Variants in DCAF7 observed in about 807,000 individuals in gnomAD.
DCAF7 encodes DDB1- and CUL4-associated factor 7.
DCAF7 carries 4 observed loss-of-function variants against 41.2 expected under a neutral mutation model. That is an observed-to-expected ratio of 0.10 (90% CI 0.05 to 0.22). The LOEUF is 0.22. Ranked by LOEUF, DCAF7 falls within the 10% of genes least tolerant of loss-of-function variation. The probability of loss-of-function intolerance (pLI) is 1.00; values close to 1 mark genes in which losing one functional copy is unlikely to be tolerated. For synonymous variants in DCAF7, 143 were observed against 164.2 expected, an observed-to-expected ratio of 0.87 and a Z score of 0.99; for missense variants, 131 against 443.2, an observed-to-expected ratio of 0.30 and a Z score of 6.32.
chr17:63,582,475 T>C (rs915074477), intron 4 of DCAF7, among the ~76,000 whole-genome samples: 2 of 152,068 alleles, frequency 1.3e-5, no homozygotes, highest in African/African-American at 4.8e-5. Context: ...CGTCCTCTTT[T>C]TTTTTTTTTC....
intron 1 of DCAF7, among the ~76,000 whole-genome samples, chr17:63,559,320 T>C (rs997312288): frequency 8.4e-4 from 73 of 87,150 alleles, no homozygotes; most frequent in African/African-American, 1.2e-3. Context: ...TATATATATA[T>C]GTATATATAT....
Position 63,579,744 on chromosome 17 carries a change from G to A in DCAF7, c.410-81G>A, listed in dbSNP as rs1158545013. 6 of 1,217,934 alleles carry A rather than the reference G, an allele frequency of 4.9e-6. No homozygotes were observed. The African/African-American group carries it at 6.0e-5, about 12-fold the overall frequency. The allele number at this position is 1,217,934 out of a possible 1,614,324, so 75.4% of individuals were successfully genotyped here. On this transcript the variant is annotated intron_variant, in intron 3 of 6. Coordinates refer to ENST00000614556, the MANE Select transcript of DCAF7 (RefSeq NM_005828.5). ...TTTATGGTATGCTGCTCCCTGGGCT[G>A]AGCAGATGAGTAAACACAAGAGGGA... is the stretch of plus-strand genomic sequence containing the variant.
At chr17:63,563,288 A>G in intron 1 of DCAF7, among the ~76,000 whole-genome samples, 1 of 152,226 alleles carries the variant, frequency 6.6e-6, no homozygotes, top group Non-Finnish European at 1.5e-5. Context: ...GGAAATGAGA[A>G]TTGTGATATC....
intron 6 of DCAF7, among the ~76,000 whole-genome samples, chr17:63,585,793 T>C (rs1198073410): frequency 1.3e-5 from 2 of 152,198 alleles, no homozygotes; most frequent in Non-Finnish European, 2.9e-5. Flanking sequence ...TTGTGACTTG[T>C]GGTTTTCATT....
chr17:63,558,958 A>G (rs1272342513), intron 1 of DCAF7, among the ~76,000 whole-genome samples: 2 of 152,230 alleles, frequency 1.3e-5, no homozygotes, highest in South Asian at 2.1e-4. Flanking sequence ...GAGTCTAGAA[A>G]TGAACTCAGA....
At chr17:63,563,893 G>A (rs1040502312) in intron 1 of DCAF7, among the ~76,000 whole-genome samples, 2 of 152,032 alleles carry the variant, frequency 1.3e-5, no homozygotes, top group Non-Finnish European at 2.9e-5. Context: ...GTACAGCACT[G>A]GGGGAATCCC....
intron 5 of DCAF7, 71 bp from the exon 6 acceptor site, chr17:63,585,140 G>A (rs535217479): frequency 7.2e-6 from 9 of 1,252,046 alleles, no homozygotes; most frequent in East Asian, 2.3e-5. Context: ...ATTTTTGCAT[G>A]TGGATAGTAT....
rs1345075075 is a variant in DCAF7, at chr17:63,550,526, G to C, written c.-152G>C. ...AAACTAGGGGTCGGGCTCGGCCGTC[G>C]TCGTTGTTTGTCGCCGCATCCCCGC... On this transcript the variant is annotated 5_prime_UTR_variant, in exon 1 of 7. Coordinates refer to ENST00000614556, the MANE Select transcript of DCAF7 (RefSeq NM_005828.5). The surrounding 1 kb of genome is among the most constrained non-coding windows in gnomAD (Gnocchi z 4.8). 2 of 1,265,778 alleles carry C rather than the reference G, an allele frequency of 1.6e-6. No individual in the cohort carries two copies. Among genetic ancestry groups the C allele is most frequent in the East Asian group, 5.1e-5 (2 of 39,054 alleles). 78.4% of individuals were successfully genotyped at this position (1,265,778 alleles called of 1,614,324 possible).
chr17:63,553,977 G>A (rs945595265), intron 1 of DCAF7, among the ~76,000 whole-genome samples: 1 of 152,176 alleles, frequency 6.6e-6, no homozygotes, highest in African/African-American at 2.4e-5. Context: ...GCTGAGATGG[G>A]AGAATCGCTT....
At position 63,589,287 on chromosome 17, in the gene DCAF7, A is replaced by G. The variant is rs2033710087; in HGVS notation, c.*115A>G. ...GCCAGTATGTCTTTCATTGCTTTGC[A>G]CCCACTGTTACCAGAAGCTGCTCTA... On this transcript the variant is annotated 3_prime_UTR_variant, in exon 7 of 7. Coordinates refer to ENST00000614556, the MANE Select transcript of DCAF7 (RefSeq NM_005828.5). 7.3e-7 allele frequency: 1 copy of G among 1,369,858 alleles called. No individual in the cohort carries two copies. The highest frequency in any genetic ancestry group is 1.4e-5 in the African/African-American group (1 of 70,088). 84.9% of individuals were successfully genotyped at this position (1,369,858 alleles called of 1,614,324 possible).
intron 1 of DCAF7, among the ~76,000 whole-genome samples, chr17:63,563,814 CAAATAAATAAAT>C (rs138884947): frequency 0.064 from 9,571 of 148,688 alleles, 995 homozygotes; most frequent in African/African-American, 0.22. Flanking sequence ...GATTCTGTCT[CAAATAAATAAAT>C]AAATAAATAA....
At chr17:63,573,211 G>A (rs978769219) in intron 1 of DCAF7, 42 of 152,276 alleles carry the variant, frequency 2.8e-4, no homozygotes, top group African/African-American at 9.1e-4. Flanking sequence ...GGAAAATTGG[G>A]TATCCATTGC....
At chr17:63,580,158 T>C (rs182278019) in intron 4 of DCAF7, among the ~76,000 whole-genome samples, 55 of 152,340 alleles carry the variant, frequency 3.6e-4, no homozygotes, top group Non-Finnish European at 6.0e-4. Flanking sequence ...TGACCTATTC[T>C]ACGGTCTGTC....
chr17:63,552,474 C>T (rs913713405), intron 1 of DCAF7: 4 of 152,200 alleles, frequency 2.6e-5, no homozygotes, highest in African/African-American at 9.6e-5. Flanking sequence ...AGCTTTCTTT[C>T]CTCTGTTGCT....
chr17:63,588,836 T>G (rs2033704943), intron 6 of DCAF7, among the ~76,000 whole-genome samples, 164 bp from the exon 7 acceptor site: 1 of 152,178 alleles, frequency 6.6e-6, no homozygotes, highest in African/African-American at 2.4e-5. Context: ...AACAAGTGCC[T>G]TAACATTTCT....
At chr17:63,567,180 A>G (rs1453599995) in intron 1 of DCAF7, among the ~76,000 whole-genome samples, 1 of 152,198 alleles carries the variant, frequency 6.6e-6, no homozygotes, top group Non-Finnish European at 1.5e-5. Flanking sequence ...TGCACACCAA[A>G]TAGCATCAGT....
rs113213480 is a variant in DCAF7 at position 63,567,338 on chromosome 17, A to G, written c.139-11132A>G. ...AAAAAATTGAACAACATGAGAGCCA[A>G]TTGTAATTCCTCTCAATATTTGGTT... On this transcript the variant is annotated intron_variant, in intron 1 of 6. Coordinates refer to ENST00000614556, the MANE Select transcript of DCAF7 (RefSeq NM_005828.5). Among the ~76,000 whole-genome samples, 763 of 152,320 alleles carry G rather than the reference A, an allele frequency of 5.0e-3. 7 individuals are homozygous for G. The highest frequency in any genetic ancestry group is 0.018 in the African/African-American group (732 of 41,572).
chr17:63,589,147 A>G lies in DCAF7; in HGVS notation c.1004A>G (p.Asn335Ser). 1.2e-6 allele frequency: 2 copies of G among 1,613,916 alleles called. No individual in the cohort carries two copies. The highest frequency in any genetic ancestry group is 1.7e-6 in the Non-Finnish European group (2 of 1,179,872). ...QPDWIAICYN[N>S]CLEILRV ...GACTGGATCGCCATCTGCTACAACA[A>G]CTGCCTGGAGATACTCAGAGTGTAG... Residue 335 changes from asparagine to serine, a missense_variant, in exon 7 of 7, where the codon AAC becomes AGC. Coordinates refer to ENST00000614556, the MANE Select transcript of DCAF7 (RefSeq NM_005828.5).
At chr17:63,567,209 G>A (rs1485480657) in intron 1 of DCAF7, among the ~76,000 whole-genome samples, 2 of 152,172 alleles carry the variant, frequency 1.3e-5, no homozygotes, top group Non-Finnish European at 1.5e-5. Flanking sequence ...TTGAGGGTCA[G>A]TAAGCAGATG....
Sources: allele counts gnomAD v4.1 joint callset (sites outside exome capture counted in the v4.1 genomes callset), GRCh38; gene constraint gnomAD v4.1.1; non-coding constraint Gnocchi (gnomAD v3.1); transcripts MANE v1.5; gene names NCBI Gene and HGNC (gene_info 2026-07-23, HGNC 2026-07-21).